YIPF7: variants seen among roughly 807,000 people sequenced by gnomAD.
YIPF7 encodes the protein Yip1 domain family member 7, also known as protein YIPF7.
In YIPF7, 35 loss-of-function variants were observed where a neutral mutation model predicts 27.2. The observed-to-expected ratio is 1.29, with a 90% CI of 0.98 to 1.70. YIPF7 has a LOEUF of 1.70. YIPF7 is among the 40% of genes most tolerant of loss of function. The pLI, the probability that YIPF7 is intolerant of heterozygous loss-of-function variation, is 0.00. For missense variants in YIPF7, 358 were observed against 303.7 expected, an observed-to-expected ratio of 1.18 and a Z score of -1.33; for synonymous variants, 137 against 110.4, an observed-to-expected ratio of 1.24 and a Z score of -1.51.
rs1221774044 is a variant in YIPF7, at chr4:44,648,116, T to C, written c.116+1869A>G. 4.6e-5 allele frequency among the ~76,000 whole-genome samples: 7 copies of C among 152,162 alleles called. No homozygotes were observed. In the East Asian group the frequency reaches 1.3e-3, roughly 29 times the overall value. ...AATCCTAACCCCATTTCTTACTAGA[T>C]GTGTAACCTTGAGAAAATCTCTTAA... is the stretch of plus-strand genomic sequence containing the variant. On this transcript the variant is annotated intron_variant, in intron 2 of 5. Coordinates refer to ENST00000415895, the MANE Select transcript of YIPF7 (RefSeq NM_182592.3).
intron 2 of YIPF7, among the ~76,000 whole-genome samples, chr4:44,643,547 G>A (rs375083438): frequency 3.9e-5 from 6 of 152,170 alleles, no homozygotes; most frequent in African/African-American, 1.2e-4. Flanking sequence ...TTAAAAAAAA[G>A]AGCCATGTGC....
intron 3 of YIPF7, among the ~76,000 whole-genome samples, chr4:44,633,432 T>C (rs990482760): frequency 1.3e-5 from 2 of 150,572 alleles, no homozygotes; most frequent in Non-Finnish European, 3.0e-5. Flanking sequence ...AAAAATTAGT[T>C]AAGCAGCACA....
In YIPF7 at chr4:44,635,210, G is replaced by A. The variant is rs568616779; in HGVS notation, c.280+712C>T. On this transcript the variant is annotated intron_variant, in intron 3 of 5. Coordinates refer to ENST00000415895, the MANE Select transcript of YIPF7 (RefSeq NM_182592.3). ...AATTTAAATCCACTTGGGTTTTAGC[G>A]TCTTAACGCCTATGTTTCCAGCATT... Among the ~76,000 whole-genome samples, 6 of 151,880 alleles carry A rather than the reference G, an allele frequency of 4.0e-5. No individual in the cohort carries two copies. The South Asian group carries it at 6.2e-4, about 16-fold the overall frequency.
At chr4:44,647,920 C>CA (rs1713584380) in intron 2 of YIPF7, among the ~76,000 whole-genome samples, 1 of 151,890 alleles carries the variant, frequency 6.6e-6, no homozygotes, top group Non-Finnish European at 1.5e-5. Flanking sequence ...AACAAAGCTT[C>CA]AAAAATTAAT....
chr4:44,646,455 C>T (rs1271938739), intron 2 of YIPF7, among the ~76,000 whole-genome samples: 3 of 152,148 alleles, frequency 2.0e-5, no homozygotes, highest in South Asian at 2.1e-4. Flanking sequence ...TAAGGTCCTA[C>T]CAAACCACTC....
chr4:44,650,193 G>T, intron 1 of YIPF7, 92 bp from the exon 2 acceptor site: 3 of 774,474 alleles, frequency 3.9e-6, no homozygotes, highest in Non-Finnish European at 6.6e-6. Flanking sequence ...TGTGATTATG[G>T]CTGAATTCCT....
chr4:44,626,447 A>G (rs1465768275), intron 4 of YIPF7, among the ~76,000 whole-genome samples: 1 of 152,194 alleles, frequency 6.6e-6, no homozygotes, highest in Non-Finnish European at 1.5e-5. Context: ...TCTTACACCC[A>G]AAGGACATCT....
intron 2 of YIPF7, chr4:44,660,410 A>G (rs1157120457): frequency 6.6e-6 from 1 of 152,174 alleles, no homozygotes; most frequent in Non-Finnish European, 1.5e-5. Flanking sequence ...GTCCCTTGGA[A>G]CACTTGTTCT....
intron 2 of YIPF7, among the ~76,000 whole-genome samples, chr4:44,636,866 C>T (rs900781287): frequency 6.6e-6 from 1 of 152,086 alleles, no homozygotes; most frequent in Non-Finnish European, 1.5e-5. Flanking sequence ...AAATAACATT[C>T]ATTATATGCA....
chr4:44,654,607 A>G (rs1713834208), upstream of YIPF7, among the ~76,000 whole-genome samples: 1 of 151,998 alleles, frequency 6.6e-6, no homozygotes, highest in African/African-American at 2.4e-5. Context: ...TCTCAGGATC[A>G]GACTATTTGA....
chr4:44,625,800 GCTAT>G (rs1560322573), intron 4 of YIPF7, among the ~76,000 whole-genome samples: 2 of 152,086 alleles, frequency 1.3e-5, no homozygotes, highest in African/African-American at 2.4e-5. Flanking sequence ...TTTAATGTTT[GCTAT>G]CTGAGAATAC....
chr4:44,653,762 T>C (rs899553525), upstream of YIPF7, among the ~76,000 whole-genome samples: 1 of 152,132 alleles, frequency 6.6e-6, no homozygotes, highest in African/African-American at 2.4e-5. Flanking sequence ...CAAATTTTGA[T>C]TATTACCATC....
chr4:44,622,605 T>C, intron 5 of YIPF7, 29 bp from the exon 6 acceptor site: 1 of 1,608,984 alleles, frequency 6.2e-7, no homozygotes, highest in Non-Finnish European at 8.5e-7. Context: ...AATGATTGCC[T>C]GTGCCAGTAG....
rs539853260 is a variant in YIPF7, at chr4:44,646,941, GA to G, written c.116+3043del. Among the ~76,000 whole-genome samples, 325 of 152,198 alleles carry G rather than the reference GA, an allele frequency of 2.1e-3. 1 individual carries two copies. The highest frequency in any genetic ancestry group is 2.2e-3 in the Non-Finnish European group (147 of 68,002). ...TTCTGATATGGGGTATATTTTAATT[GA>G]ACTATTCATGGTATGAATAAAAGAT... On this transcript the variant is annotated intron_variant, in intron 2 of 5. Coordinates refer to ENST00000415895, the MANE Select transcript of YIPF7 (RefSeq NM_182592.3).
intron 4 of YIPF7, among the ~76,000 whole-genome samples, chr4:44,628,570 C>A (rs1201912204): frequency 6.6e-6 from 1 of 152,128 alleles, no homozygotes; most frequent in African/African-American, 2.4e-5. Context: ...ACTTTTCAGA[C>A]TGACTTAACC....
chr4:44,644,245 G>T (rs143735007), intron 2 of YIPF7, among the ~76,000 whole-genome samples: 9 of 152,310 alleles, frequency 5.9e-5, no homozygotes, highest in African/African-American at 1.9e-4. Flanking sequence ...TAACACAGGG[G>T]TGTCCAATCT....
chr4:44,645,571 T>C (rs1713499933), intron 2 of YIPF7, among the ~76,000 whole-genome samples: 1 of 152,224 alleles, frequency 6.6e-6, no homozygotes, highest in Admixed American at 6.5e-5. Flanking sequence ...AATGTAACTC[T>C]TCTCCTGTAT....
chr4:44,629,617 T>C (rs1712809916), intron 3 of YIPF7, 69 bp from the exon 4 acceptor site: 6 of 1,191,690 alleles, frequency 5.0e-6, no homozygotes, highest in Middle Eastern at 5.7e-4. Context: ...AGTTACACTC[T>C]TTAAAGGTTA....
chr4:44,651,463 T>C (rs1380029597), intron 1 of YIPF7, 91 bp downstream of exon 1: 13 of 725,482 alleles, frequency 1.8e-5, no homozygotes, highest in Non-Finnish European at 2.5e-5. Context: ...CAAAGCTTTA[T>C]GTAACATGAC....
Sources: gnomAD v4.1 joint callset for allele counts (sites outside exome capture counted in the v4.1 genomes callset) on GRCh38, gnomAD v4.1.1 for gene constraint, MANE v1.5 for transcripts, NCBI Gene and HGNC (gene_info 2026-07-23, HGNC 2026-07-21) for gene names.